Variants in CDH18 observed in about 807,000 individuals in gnomAD.
CDH18 encodes cadherin-18.
A neutral mutation model predicts 67.9 loss-of-function variants in CDH18; 31 were observed. That is an observed-to-expected ratio of 0.46 (90% CI 0.34 to 0.62). The LOEUF is 0.62. CDH18 is among the 20% of genes least tolerant of loss of function. CDH18 has a pLI of 0.01. For synonymous variants in CDH18, 362 were observed against 347.2 expected, an observed-to-expected ratio of 1.04 and a Z score of -0.48; for missense variants, 890 against 975.5, an observed-to-expected ratio of 0.91 and a Z score of 1.17.
intron 3 of CDH18, among the ~76,000 whole-genome samples, chr5:19,829,887 T>C (rs532543097): frequency 6.6e-6 from 1 of 152,106 alleles, no homozygotes; most frequent in Non-Finnish European, 1.5e-5. Context: ...TAAAGCCACA[T>C]ACCTACCAAC....
intron 8 of CDH18, among the ~76,000 whole-genome samples, chr5:19,547,314 G>C (rs347741): frequency 0.11 from 16,583 of 152,136 alleles, 1,365 homozygotes; most frequent in African/African-American, 0.23. Context: ...TTTGGTTACT[G>C]TAAGAAAATC....
intron 5 of CDH18, among the ~76,000 whole-genome samples, chr5:19,701,153 T>C (rs1763200558): frequency 6.6e-6 from 1 of 152,078 alleles, no homozygotes; most frequent in Non-Finnish European, 1.5e-5. Context: ...AAATCTCTAG[T>C]TAGCAAAGTG....
chr5:20,285,869 T>C (rs1239556183), intron 1 of CDH18, among the ~76,000 whole-genome samples: 1 of 151,682 alleles, frequency 6.6e-6, no homozygotes, highest in Non-Finnish European at 1.5e-5. Context: ...TAAGTAAAAG[T>C]GGGAGTTTTT....
chr5:19,584,498 C>G (rs79091237), intron 7 of CDH18, among the ~76,000 whole-genome samples: 5,076 of 152,156 alleles, frequency 0.033, 272 homozygotes, highest in African/African-American at 0.12. Context: ...AAAATCCACT[C>G]AGGTATACAG....
rs1026994253 is a variant in CDH18, at chr5:19,473,555, C to T, written c.2044G>A (p.Ala682Thr). The T allele has an allele frequency of 6.2e-7, 1 of 1,613,856 alleles. No individual in the cohort carries two copies. Among genetic ancestry groups the T allele is most frequent in the Non-Finnish European group, 8.5e-7 (1 of 1,179,856 alleles). ...TCCCTCCGGTACTTGAGCTCCTCAGCAGCAGAAGGATTCCTCAAGGCTGTG... is the reference window on the plus strand; with the variant it reads ...TCCCTCCGGTACTTGAGCTCCTCAGTAGCAGAAGGATTCCTCAAGGCTGTG... ...DITALRNPSA[A>T]EELKYRRDIR... Residue 682 changes from alanine (A) to threonine (T), a missense_variant, in exon 13 of 13, where the codon GCT becomes ACT. Ala to Thr is a moderately conservative substitution (Grantham distance 58, BLOSUM62 0). Transcript: ENST00000382275.
At chr5:19,833,174 ATTTG>A (rs1287696595) in intron 3 of CDH18, among the ~76,000 whole-genome samples, 1 of 151,892 alleles carries the variant, frequency 6.6e-6, no homozygotes, top group Non-Finnish European at 1.5e-5. Context: ...ATGTTTTTTC[ATTTG>A]TTTGTGTCCT....
intron 5 of CDH18, 137 bp from the exon 6 acceptor site, chr5:19,612,738 A>G (rs767210251): frequency 1.4e-5 from 9 of 654,946 alleles, no homozygotes; most frequent in Non-Finnish European, 2.3e-5. Context: ...GAGAAAAACA[A>G]TATCTTACCA....
At chr5:19,775,651 AC>A (rs912796316) in intron 3 of CDH18, among the ~76,000 whole-genome samples, 1 of 152,154 alleles carries the variant, frequency 6.6e-6, no homozygotes, top group Admixed American at 6.6e-5. Flanking sequence ...AACACCACCT[AC>A]CAGGCACCAC....
At chr5:19,952,893 CAG>C (rs1211596523) in intron 2 of CDH18, among the ~76,000 whole-genome samples, 3 of 152,086 alleles carry the variant, frequency 2.0e-5, no homozygotes, top group Non-Finnish European at 1.5e-5. Flanking sequence ...GCCTCTAAAA[CAG>C]AAAATAAATT....
At chr5:19,729,598 T>C (rs1182456041) in intron 4 of CDH18, among the ~76,000 whole-genome samples, 4 of 152,276 alleles carry the variant, frequency 2.6e-5, no homozygotes, top group Non-Finnish European at 5.9e-5. Context: ...TTTCCCATAG[T>C]GAAAGGCCGA....
chr5:20,379,814 C>T (rs1487083299), intron 1 of CDH18, among the ~76,000 whole-genome samples: 1 of 151,728 alleles, frequency 6.6e-6, no homozygotes, highest in Non-Finnish European at 1.5e-5. Context: ...ATTAAATTAT[C>T]TCTGACTCTT....
At chr5:20,306,482 C>G (rs1202717638) in intron 1 of CDH18, among the ~76,000 whole-genome samples, 1 of 151,950 alleles carries the variant, frequency 6.6e-6, no homozygotes, top group East Asian at 1.9e-4. Context: ...TCCCTATACT[C>G]TTGGCTTTTA....
rs749027757 is a variant in CDH18, at chr5:19,473,457, T to C, written c.2142A>G (p.Glu714=). 8.7e-6 allele frequency: 14 copies of C among 1,613,868 alleles called. No individual in the cohort carries two copies. The South Asian group carries it at 1.5e-4, about 18-fold the overall frequency. Residue 714 remains glutamate (E), a synonymous_variant, in exon 13 of 13, where the codon GAA becomes GAG. Coordinates refer to ENST00000382275, the MANE Select transcript of CDH18 (RefSeq NM_004934.5). Reference sequence around the variant, plus strand: ...CTTCTGCCAGTCTTTGCTTAATAAATTCCTGAACATCTATGCTTTCCAGGG... The same window carrying C: ...CTTCTGCCAGTCTTTGCTTAATAAACTCCTGAACATCTATGCTTTCCAGGG... ...SSTLESIDVQ[E]FIKQRLAEAD... is the part of the protein sequence containing the mutation.
intron 2 of CDH18, among the ~76,000 whole-genome samples, chr5:20,179,158 T>C (rs1393438700): frequency 6.6e-6 from 1 of 152,110 alleles, no homozygotes; most frequent in East Asian, 1.9e-4. Context: ...AATAATAATA[T>C]TAAGAAAAAC....
chr5:20,143,749 A>G (rs979064444), intron 2 of CDH18, among the ~76,000 whole-genome samples: 2 of 152,190 alleles, frequency 1.3e-5, no homozygotes, highest in African/African-American at 4.8e-5. Flanking sequence ...AGAGGTGAGA[A>G]GTCCATTGAA....
chr5:19,609,778 T>G, intron 6 of CDH18, among the ~76,000 whole-genome samples: 1 of 152,018 alleles, frequency 6.6e-6, no homozygotes, highest in African/African-American at 2.4e-5. Flanking sequence ...AAAGGGCAAC[T>G]GTAAAAACCT....
intron 2 of CDH18, among the ~76,000 whole-genome samples, chr5:20,006,511 T>C (rs1446293761): frequency 6.6e-6 from 1 of 151,992 alleles, no homozygotes; most frequent in African/African-American, 2.4e-5. Context: ...GCAACCAAGA[T>C]GCTCATTAAA....
intron 5 of CDH18, among the ~76,000 whole-genome samples, chr5:19,641,673 T>C (rs1267075138): frequency 1.3e-5 from 2 of 151,938 alleles, no homozygotes. Context: ...AGAAAGAAGC[T>C]TTCTCAACAC....
At chr5:20,407,490 C>A (rs1277657295) in intron 1 of CDH18, among the ~76,000 whole-genome samples, 16 of 79,592 alleles carry the variant, frequency 2.0e-4, no homozygotes, top group South Asian at 6.1e-4. Context: ...GCATATACAC[C>A]AATGAGGAAA....
Sources: gnomAD v4.1 joint callset for allele counts (sites outside exome capture counted in the v4.1 genomes callset) on GRCh38, gnomAD v4.1.1 for gene constraint, MANE v1.5 for transcripts, NCBI Gene and HGNC (gene_info 2026-07-23, HGNC 2026-07-21) for gene names.